Variants in STK39 observed in about 807,000 individuals in gnomAD.
STK39 encodes the protein STE20/SPS1-related proline-alanine-rich protein kinase.
In STK39, 20 loss-of-function variants were observed where a neutral mutation model predicts 77.8. That is an observed-to-expected ratio of 0.26 (90% CI 0.18 to 0.37). The LOEUF (loss-of-function observed/expected upper bound fraction) is 0.37. Ranked by LOEUF, STK39 falls within the 10% of genes least tolerant of loss-of-function variation. STK39 has a pLI of 1.00. For synonymous variants in STK39, 246 were observed against 234.1 expected, an observed-to-expected ratio of 1.05 and a Z score of -0.47; for missense variants, 479 against 656.5, an observed-to-expected ratio of 0.73 and a Z score of 2.95.
At chr2:168,223,908 G>C (rs1690241755) in intron 1 of STK39, among the ~76,000 whole-genome samples, 1 of 152,014 alleles carries the variant, frequency 6.6e-6, no homozygotes, top group Non-Finnish European at 1.5e-5. Context: ...CCAGAATTTT[G>C]ACTTTGAATA....
intron 16 of STK39, among the ~76,000 whole-genome samples, chr2:167,976,876 AT>A (rs1008152526): frequency 3.3e-5 from 5 of 151,224 alleles, no homozygotes; most frequent in African/African-American, 1.2e-4. Flanking sequence ...CAATCAAACT[AT>A]TTTTTTTTAC....
chr2:168,141,534 T>C (rs558758317), intron 5 of STK39, among the ~76,000 whole-genome samples: 2 of 152,366 alleles, frequency 1.3e-5, no homozygotes, highest in Admixed American at 1.3e-4. Flanking sequence ...AGGGAATGCC[T>C]GGCAATTATT....
chr2:168,098,249 G>A (rs1000438885), intron 10 of STK39, among the ~76,000 whole-genome samples: 1 of 152,200 alleles, frequency 6.6e-6, no homozygotes, highest in Non-Finnish European at 1.5e-5. Context: ...GCATGGGAAG[G>A]GGGTGAGAGA....
intron 16 of STK39, among the ~76,000 whole-genome samples, chr2:168,005,535 T>C (rs1240877781): frequency 6.6e-6 from 1 of 152,208 alleles, no homozygotes; most frequent in Non-Finnish European, 1.5e-5. Context: ...GCATATGGTA[T>C]ACAATGTATT....
chr2:168,218,538 G>C (rs1049723153), intron 1 of STK39, among the ~76,000 whole-genome samples: 18 of 152,204 alleles, frequency 1.2e-4, no homozygotes, highest in Non-Finnish European at 2.9e-5. Context: ...AGGCTTGCTA[G>C]AGCAAGGGCC....
intron 14 of STK39, among the ~76,000 whole-genome samples, chr2:168,058,875 T>C (rs1685591065): frequency 6.6e-6 from 1 of 152,212 alleles, no homozygotes; most frequent in South Asian, 2.1e-4. Context: ...CAGCTCTCTG[T>C]TTAAAATTTT....
chr2:168,039,904 G>C (rs1010057276), intron 14 of STK39, among the ~76,000 whole-genome samples: 15 of 152,136 alleles, frequency 9.9e-5, no homozygotes, highest in Non-Finnish European at 1.6e-4. Context: ...TTAGATAAAG[G>C]TATTGCTGAT....
chr2:168,109,149 T>G (rs888550620), intron 10 of STK39, among the ~76,000 whole-genome samples: 2 of 152,200 alleles, frequency 1.3e-5, no homozygotes, highest in Non-Finnish European at 2.9e-5. Flanking sequence ...ACAACATATA[T>G]TTATATATGT....
At chr2:168,107,393 T>A (rs964478081) in intron 10 of STK39, among the ~76,000 whole-genome samples, 1 of 152,212 alleles carries the variant, frequency 6.6e-6, no homozygotes, top group Admixed American at 6.5e-5. Context: ...ATGTCTAACC[T>A]CACTTGTCAC....
intron 10 of STK39, among the ~76,000 whole-genome samples, chr2:168,081,510 T>A (rs371618412): frequency 2.0e-5 from 3 of 152,174 alleles, no homozygotes; most frequent in Non-Finnish European, 2.9e-5. Flanking sequence ...TTTGATTCTA[T>A]AAGATCATAG....
chr2:167,981,300 T>C (rs547575165), intron 16 of STK39, among the ~76,000 whole-genome samples: 1 of 152,348 alleles, frequency 6.6e-6, no homozygotes, highest in African/African-American at 2.4e-5. Context: ...CTTAATAATG[T>C]AGCTGGTTGA....
At chr2:168,054,803 A>C (rs1685482602) in intron 14 of STK39, among the ~76,000 whole-genome samples, 3 of 152,112 alleles carry the variant, frequency 2.0e-5, no homozygotes, top group East Asian at 1.9e-4. Context: ...CACACACACA[A>C]AAAACAATAC....
At chr2:168,002,919 G>T (rs1036935942) in intron 16 of STK39, among the ~76,000 whole-genome samples, 3 of 152,144 alleles carry the variant, frequency 2.0e-5, no homozygotes, top group Non-Finnish European at 4.4e-5. Context: ...CAGCTCTTTG[G>T]ATGTTTAAAG....
At chr2:168,224,913 A>T (rs1220309110) in intron 1 of STK39, among the ~76,000 whole-genome samples, 1 of 152,222 alleles carries the variant, frequency 6.6e-6, no homozygotes, top group East Asian at 1.9e-4. Context: ...CTCAAATCAG[A>T]TTACATTTCA....
chr2:168,127,080 G>A (rs574098792), intron 10 of STK39, among the ~76,000 whole-genome samples: 2 of 152,294 alleles, frequency 1.3e-5, no homozygotes, highest in East Asian at 3.9e-4. Flanking sequence ...GTTGCTTATT[G>A]TTTAAGATAG....
intron 10 of STK39, among the ~76,000 whole-genome samples, chr2:168,097,709 G>A (rs374522835): frequency 4.6e-5 from 7 of 150,896 alleles, no homozygotes; most frequent in East Asian, 2.0e-4. Context: ...ATTCCAGCCT[G>A]CGTGACAGAG....
intron 4 of STK39, 111 bp from the exon 5 acceptor site, chr2:168,161,953 AATTTCATAAAT>A (rs1688583855): frequency 2.9e-6 from 2 of 686,210 alleles, no homozygotes; most frequent in Admixed American, 6.7e-5. Flanking sequence ...TTGACATAAT[AATTTCATAAAT>A]ATTAAGATAA....
intron 16 of STK39, among the ~76,000 whole-genome samples, chr2:167,968,715 T>C (rs956009297): frequency 3.3e-5 from 5 of 152,116 alleles, no homozygotes; most frequent in Non-Finnish European, 5.9e-5. Context: ...CAGCATGAGA[T>C]TGCAAAGAAA....
chr2:168,045,119 C>CA (rs993342258), intron 14 of STK39, among the ~76,000 whole-genome samples: 23 of 151,104 alleles, frequency 1.5e-4, no homozygotes, highest in Non-Finnish European at 3.0e-4. Context: ...TATAAGTGAC[C>CA]AAAAAAAAGT....
Sources: allele counts gnomAD v4.1 joint callset (sites outside exome capture counted in the v4.1 genomes callset), GRCh38; gene constraint gnomAD v4.1.1; transcripts MANE v1.5; gene names NCBI Gene and HGNC (gene_info 2026-07-23, HGNC 2026-07-21).